Variants in APBA2 observed in about 807,000 individuals in gnomAD.
APBA2 encodes amyloid beta precursor protein binding family A member 2.
In APBA2, 30 loss-of-function variants were observed where a neutral mutation model predicts 75.0. That is an observed-to-expected ratio of 0.40 (90% confidence interval 0.30 to 0.54). APBA2 has a LOEUF of 0.54. Ranked by LOEUF, APBA2 falls within the 20% of genes least tolerant of loss-of-function variation. The pLI is 0.49. For synonymous variants in APBA2, 444 were observed against 409.6 expected (o/e 1.08, Z -1.01); for missense variants, 801 against 1,016.1 (o/e 0.79, Z 2.88).
chr15:28,911,575 T>C (rs1033179403), intron 1 of APBA2, among the ~76,000 whole-genome samples: 1 of 152,234 alleles, frequency 6.6e-6, no homozygotes, highest in African/African-American at 2.4e-5. Context: ...TGAGCATGTG[T>C]TCTTTTTCTT....
intron 4 of APBA2, among the ~76,000 whole-genome samples, chr15:29,055,745 G>A (rs2041857658): frequency 6.7e-6 from 1 of 149,106 alleles, no homozygotes; most frequent in Non-Finnish European, 1.5e-5. Context: ...GGAAATCATT[G>A]GATTTTCAGC....
chr15:28,970,640 G>A (rs1296034431), intron 2 of APBA2: 3 of 151,350 alleles, frequency 2.0e-5, no homozygotes, highest in East Asian at 1.9e-4. Context: ...ACCTGAAAGC[G>A]TCCTGGAAAA....
intron 3 of APBA2, among the ~76,000 whole-genome samples, chr15:29,042,616 CAT>C (rs1410977110): frequency 1.3e-5 from 2 of 152,160 alleles, no homozygotes; most frequent in Non-Finnish European, 1.5e-5. Context: ...AGAACTTAAA[CAT>C]ATGAATTTTG....
At chr15:29,028,711 G>C (rs2040344695) in intron 3 of APBA2, among the ~76,000 whole-genome samples, 1 of 152,232 alleles carries the variant, frequency 6.6e-6, no homozygotes, top group South Asian at 2.1e-4. Flanking sequence ...TGACTGGCAT[G>C]AGGTGGTATC....
In APBA2 at chr15:28,886,065, G is replaced by T. The variant is rs1209884625; in HGVS notation, c.-418G>T. On this transcript the variant is annotated 5_prime_UTR_variant, in exon 1 of 15. Coordinates refer to ENST00000683413, the MANE Select transcript of APBA2 (RefSeq NM_001353788.2). Reference sequence around the variant, plus strand: ...GGTGCGGGATGCGCCCCGCAGCCGCGCCGCGTGCGCCCGGCAGAGGCGGCC... The same window carrying T: ...GGTGCGGGATGCGCCCCGCAGCCGCTCCGCGTGCGCCCGGCAGAGGCGGCC... 6.7e-6 allele frequency: 1 copy of T among 149,010 alleles called. No individual in the cohort carries two copies. The highest frequency in any genetic ancestry group is 1.5e-5 in the Non-Finnish European group (1 of 66,918). The allele number at this position is 149,010 out of a possible 1,614,324, so 9.2% of individuals were successfully genotyped here. A position where few individuals can be genotyped will look rare whatever the true frequency, so the allele number is the denominator to read the frequency against.
intron 4 of APBA2, among the ~76,000 whole-genome samples, chr15:29,056,643 C>G (rs1389576610): frequency 6.9e-5 from 9 of 131,064 alleles, no homozygotes; most frequent in African/African-American, 2.3e-4. Flanking sequence ...CCTCCTCTCT[C>G]TCTCTCTCTC....
chr15:28,933,526 T>C (rs1290614809), intron 2 of APBA2, among the ~76,000 whole-genome samples: 1 of 152,160 alleles, frequency 6.6e-6, no homozygotes, highest in Non-Finnish European at 1.5e-5. Context: ...GGAATAAGAC[T>C]CCCTTCAAAC....
chr15:28,980,284 G>A (rs1024531236), intron 2 of APBA2, among the ~76,000 whole-genome samples: 1 of 152,154 alleles, frequency 6.6e-6, no homozygotes, highest in Non-Finnish European at 1.5e-5. Flanking sequence ...AAGAAAAGAA[G>A]CCAAACTGTC....
intron 2 of APBA2, among the ~76,000 whole-genome samples, chr15:28,978,469 C>T (rs2037455706): frequency 6.6e-6 from 1 of 152,214 alleles, no homozygotes; most frequent in African/African-American, 2.4e-5. Context: ...GCCTGGATGA[C>T]TTTAATGGTA....
chr15:29,036,231 A>ATT (rs559576119), intron 3 of APBA2, among the ~76,000 whole-genome samples: 15 of 142,118 alleles, frequency 1.1e-4, no homozygotes, highest in African/African-American at 3.6e-4. Context: ...ATATATATAT[A>ATT]TTTTTTGTCT....
At position 28,987,756 on chromosome 15, in the gene APBA2, T is replaced by A. The variant is rs1000120385; in HGVS notation, c.-94-7997T>A. On this transcript the variant is annotated intron_variant, in intron 2 of 14. Coordinates refer to ENST00000683413, the MANE Select transcript of APBA2 (RefSeq NM_001353788.2). ...TATATATATATATATATATATATTC[T>A]TTTTTTTTTTTTTTTGAGATGGAGT... is the stretch of plus-strand genomic sequence containing the variant. Among the ~76,000 whole-genome samples, 5 of 97,614 alleles carry A rather than the reference T, an allele frequency of 5.1e-5. No individual in the cohort carries two copies. The South Asian group carries it at 2.4e-3, about 46-fold the overall frequency. The allele number at this position is 97,614 out of a possible 152,430, so 64.0% of individuals were successfully genotyped here. A position where few individuals can be genotyped will look rare whatever the true frequency, so the allele number is the denominator to read the frequency against.
intron 3 of APBA2, among the ~76,000 whole-genome samples, chr15:29,027,133 CCT>C (rs2040262284): frequency 6.6e-6 from 1 of 152,166 alleles, no homozygotes; most frequent in Admixed American, 6.6e-5. Context: ...AAGATCTTTG[CCT>C]CTCTCATGTT....
intron 2 of APBA2, among the ~76,000 whole-genome samples, chr15:28,927,915 G>A (rs1237532307): frequency 1.3e-5 from 2 of 151,220 alleles, no homozygotes; most frequent in Non-Finnish European, 3.0e-5. Flanking sequence ...AGGCCGAGGC[G>A]GGCGGATCAC....
intron 3 of APBA2, among the ~76,000 whole-genome samples, chr15:29,027,977 T>A (rs2040306069): frequency 6.6e-6 from 1 of 150,724 alleles, no homozygotes; most frequent in African/African-American, 2.4e-5. Flanking sequence ...ACATTAACAC[T>A]CTTTTCGTTT....
At chr15:29,094,224 C>G in intron 7 of APBA2, 54 bp from the exon 8 acceptor site, 1 of 1,595,992 alleles carries the variant, frequency 6.3e-7, no homozygotes, top group Non-Finnish European at 8.6e-7. Flanking sequence ...TAACCTCACG[C>G]ACCTTCCTTC....
At chr15:28,960,115 A>C (rs1224364832) in intron 2 of APBA2, among the ~76,000 whole-genome samples, 2 of 147,836 alleles carry the variant, frequency 1.4e-5, no homozygotes, top group East Asian at 2.1e-4. Flanking sequence ...ACTGCACTTC[A>C]GTCAGCCCAG....
At chr15:28,893,733 C>A (rs1228311459) in intron 1 of APBA2, 3 of 152,228 alleles carry the variant, frequency 2.0e-5, no homozygotes, top group Admixed American at 6.5e-5. Flanking sequence ...CATCTTTGTG[C>A]TGTGTTGGGT....
At chr15:29,109,299 GGA>G (rs2044605615) in intron 13 of APBA2, among the ~76,000 whole-genome samples, 1 of 152,198 alleles carries the variant, frequency 6.6e-6, no homozygotes, top group Non-Finnish European at 1.5e-5. Context: ...CCGTCAGGGT[GGA>G]GTCCCAGGGC....
chr15:29,115,423 C>T (rs968251561), intron 14 of APBA2, among the ~76,000 whole-genome samples: 2 of 151,996 alleles, frequency 1.3e-5, no homozygotes, highest in African/African-American at 4.8e-5. Flanking sequence ...AGGGGCCAGG[C>T]GGACACCAGC....
Sources: gnomAD v4.1 joint callset for allele counts (sites outside exome capture counted in the v4.1 genomes callset) on GRCh38, gnomAD v4.1.1 for gene constraint, MANE v1.5 for transcripts, NCBI Gene and HGNC (gene_info 2026-07-23, HGNC 2026-07-21) for gene names.